The following GALNT17 variants were observed in gnomAD, a reference collection of about 807,000 sequenced individuals.
The protein encoded by GALNT17 is UDP-GalNAc:polypeptide N-acetylgalactosaminyltransferase-like 3.
GALNT17 carries 29 observed loss-of-function variants against 63.7 expected under a neutral mutation model. The ratio of observed to expected loss-of-function variants is 0.46; its 90% CI spans 0.34 to 0.62. The LOEUF is 0.62. GALNT17 is among the 20% of genes least tolerant of loss of function. The pLI is 0.01. For missense variants in GALNT17, 603 were observed against 799.6 expected, an observed-to-expected ratio of 0.75 and a Z score of 2.97; for synonymous variants, 305 against 318.3, an observed-to-expected ratio of 0.96 and a Z score of 0.45.
chr7:71,559,922 C>T (rs911852920), intron 5 of GALNT17, among the ~76,000 whole-genome samples: 3 of 151,516 alleles, frequency 2.0e-5, no homozygotes, highest in Non-Finnish European at 4.4e-5. Flanking sequence ...CAGCCAGGCG[C>T]GGTAGCTCAC....
At chr7:71,287,685 C>T (rs916617384) in intron 1 of GALNT17, among the ~76,000 whole-genome samples, 2 of 152,112 alleles carry the variant, frequency 1.3e-5, no homozygotes, top group Non-Finnish European at 2.9e-5. Flanking sequence ...ACACATATTT[C>T]GTATGTTATA....
chr7:71,595,443 AAG>A (rs199585316), intron 6 of GALNT17, among the ~76,000 whole-genome samples: 28 of 151,354 alleles, frequency 1.8e-4, no homozygotes, highest in Middle Eastern at 6.8e-3. Flanking sequence ...AAAAAAAAAA[AAG>A]ATGCAAAGGA....
intron 1 of GALNT17, among the ~76,000 whole-genome samples, chr7:71,179,422 C>T (rs1239426418): frequency 6.6e-6 from 1 of 152,218 alleles, no homozygotes; most frequent in African/African-American, 2.4e-5. Flanking sequence ...CACATGTCAT[C>T]AGGACCTCCT....
chr7:71,666,371 T>TATATA (rs1790985486), intron 7 of GALNT17, among the ~76,000 whole-genome samples: 1 of 149,032 alleles, frequency 6.7e-6, no homozygotes, highest in Non-Finnish European at 1.5e-5. Flanking sequence ...TATAAAGATT[T>TATATA]ATATAAATTT....
At chr7:71,224,541 T>C (rs531945026) in intron 1 of GALNT17, among the ~76,000 whole-genome samples, 1 of 152,308 alleles carries the variant, frequency 6.6e-6, no homozygotes, top group African/African-American at 2.4e-5. Flanking sequence ...CCATGTGTGC[T>C]TGGGGGCTGA....
At chr7:71,334,695 C>T (rs1297186565) in intron 1 of GALNT17, among the ~76,000 whole-genome samples, 2 of 152,182 alleles carry the variant, frequency 1.3e-5, no homozygotes, top group Non-Finnish European at 2.9e-5. Flanking sequence ...GTTACAGAGG[C>T]CTCCAAGTCT....
At chr7:71,300,634 G>T in intron 1 of GALNT17, 2 of 208,302 alleles carry the variant, frequency 9.6e-6, no homozygotes, top group East Asian at 1.6e-4. Flanking sequence ...AAACACACAT[G>T]GTTATCAACA....
intron 9 of GALNT17, among the ~76,000 whole-genome samples, chr7:71,701,906 TATATAC>T (rs1791654446): frequency 7.8e-6 from 1 of 128,762 alleles, no homozygotes; most frequent in Admixed American, 8.4e-5. Flanking sequence ...CACATATATA[TATATAC>T]ATATATATAT....
At chr7:71,303,419 C>T (rs959833202) in intron 1 of GALNT17, among the ~76,000 whole-genome samples, 4 of 152,016 alleles carry the variant, frequency 2.6e-5, no homozygotes, top group African/African-American at 4.8e-5. Context: ...TCATTTCCTT[C>T]GTAAATGATA....
chr7:71,180,852 A>G (rs1167177922), intron 1 of GALNT17, among the ~76,000 whole-genome samples: 1 of 152,182 alleles, frequency 6.6e-6, no homozygotes, highest in Non-Finnish European at 1.5e-5. Context: ...GAGGCCAAGA[A>G]CTCAGTTTGG....
chr7:71,469,502 T>C (rs1216770038), intron 5 of GALNT17, among the ~76,000 whole-genome samples: 3 of 152,148 alleles, frequency 2.0e-5, no homozygotes, highest in Non-Finnish European at 4.4e-5. Flanking sequence ...GGAAGTAGAT[T>C]TGTGGACAGA....
At chr7:71,309,968 A>T (rs1041607989) in intron 1 of GALNT17, among the ~76,000 whole-genome samples, 3 of 152,114 alleles carry the variant, frequency 2.0e-5, no homozygotes, top group African/African-American at 7.2e-5. Flanking sequence ...GGCCTTTCCC[A>T]TGCTGTTCTC....
chr7:71,490,300 C>T (rs773708655), intron 5 of GALNT17, among the ~76,000 whole-genome samples: 1 of 152,064 alleles, frequency 6.6e-6, no homozygotes, highest in African/African-American at 2.4e-5. Context: ...TACTCATGGC[C>T]TGGTGATCTC....
At chr7:71,141,560 A>G (rs1022323129) in intron 1 of GALNT17, among the ~76,000 whole-genome samples, 1 of 152,164 alleles carries the variant, frequency 6.6e-6, no homozygotes, top group African/African-American at 2.4e-5. Context: ...AGTTGTAAGA[A>G]TACAAACTAC....
chr7:71,164,240 G>A (rs749331738), intron 1 of GALNT17, among the ~76,000 whole-genome samples: 7 of 152,196 alleles, frequency 4.6e-5, no homozygotes, highest in Non-Finnish European at 1.0e-4. Flanking sequence ...AGGTTTAATT[G>A]ACTCACAGTT....
chr7:71,463,196 C>T (rs1352945620), intron 5 of GALNT17, among the ~76,000 whole-genome samples: 3 of 152,128 alleles, frequency 2.0e-5, no homozygotes, highest in Non-Finnish European at 4.4e-5. Context: ...GGTCTTAAAA[C>T]TGGTTGCTAG....
At position 71,383,533 on chromosome 7, in the gene GALNT17, G is replaced by A. The variant is rs1262260044; in HGVS notation, c.423-4702G>A. Among the ~76,000 whole-genome samples, 4 of 152,060 alleles carry A rather than the reference G, an allele frequency of 2.6e-5. No individual in the cohort carries two copies. The East Asian group carries it at 7.7e-4, about 29-fold the overall frequency. On this transcript the variant is annotated intron_variant, in intron 2 of 10. Transcript: ENST00000333538. The stretch of plus-strand genomic sequence containing the variant: ...AGCTCACTGTAACCCTGAAGTCCTG[G>A]CCTCAAGCAATCCTCCCACCTCAGG...
chr7:71,401,029 T>TTC (rs1369072272), intron 3 of GALNT17, among the ~76,000 whole-genome samples: 2 of 152,200 alleles, frequency 1.3e-5, no homozygotes, highest in African/African-American at 4.8e-5. Context: ...AAGTTTTCCT[T>TTC]AAACTACTAT....
chr7:71,490,548 T>C (rs1787989926), intron 5 of GALNT17, among the ~76,000 whole-genome samples: 1 of 152,174 alleles, frequency 6.6e-6, no homozygotes, highest in Non-Finnish European at 1.5e-5. Flanking sequence ...TTTGGGAGGC[T>C]GAGGCAGAAG....
Sources: allele counts gnomAD v4.1 joint callset (sites outside exome capture counted in the v4.1 genomes callset), GRCh38; gene constraint gnomAD v4.1.1; transcripts MANE v1.5; gene names NCBI Gene and HGNC (gene_info 2026-07-23, HGNC 2026-07-21).